The following MARK3 variants were observed in gnomAD, a reference collection of about 807,000 sequenced individuals.
The protein encoded by MARK3 is microtubule affinity regulating kinase 3.
A neutral mutation model predicts 90.1 loss-of-function variants in MARK3; 46 were observed. The observed-to-expected ratio is 0.51, with a 90% CI of 0.40 to 0.65. The LOEUF is 0.65. MARK3 is among the 30% of genes least tolerant of loss of function. The pLI is 0.00. For synonymous variants in MARK3, 321 were observed against 332.6 expected, an observed-to-expected ratio of 0.97 and a Z score of 0.38; for missense variants, 818 against 947.2, an observed-to-expected ratio of 0.86 and a Z score of 1.79.
Position 103,475,034 on chromosome 14 carries a change from A to G in MARK3, c.1306A>G (p.Ser436Gly). 6.2e-7 allele frequency: 1 copy of G among 1,614,188 alleles called. No homozygotes were observed. The highest frequency in any genetic ancestry group is 8.5e-7 in the Non-Finnish European group (1 of 1,180,018). Residue 436 changes from serine to glycine, a missense_variant, in exon 13 of 18, where the codon AGT becomes GGT. This residue lies in a region of MARK3 where 560 missense variants were observed against 613.5 expected (regional missense o/e 0.91). Coordinates refer to ENST00000429436, the MANE Select transcript of MARK3 (RefSeq NM_001128918.3). The stretch of plus-strand genomic sequence containing the variant: ...TTCTGTTGTGGCGTATCCGAAAAGG[A>G]GTCAGACCAGCACTGCAGATAGTGA... ...IPSVVAYPKR[S>G]QTSTADSDLK...
rs565722479 is a variant in MARK3 at position 103,428,481 on chromosome 14, C to T, written c.297+41C>T. 76 of 1,167,968 alleles carry T rather than the reference C, an allele frequency of 6.5e-5. 1 individual carries two copies. In the East Asian group the frequency reaches 1.1e-3, roughly 17 times the overall value. The allele number at this position is 1,167,968 out of a possible 1,614,324, so 72.4% of individuals were successfully genotyped here. ...TGTCTAGTACTTTTTAAAAAATTAT[C>T]GGTGCTAATTGCCATCTAATTTGTC... On this transcript the variant is annotated intron_variant, in intron 3 of 17. Transcript: ENST00000429436.
In MARK3 at chr14:103,411,213, G is replaced by A. The variant is rs1595529794; in HGVS notation, c.243+5946G>A. 3.9e-5 allele frequency among the ~76,000 whole-genome samples: 6 copies of A among 152,324 alleles called. 2 individuals are homozygous for A. In the South Asian group the frequency reaches 1.2e-3, roughly 32 times the overall value. On this transcript the variant is annotated intron_variant, in intron 2 of 17. Coordinates refer to ENST00000429436, the MANE Select transcript of MARK3 (RefSeq NM_001128918.3). ...GGCATGAACCCGGGAGACGGAGCTTGCAGTGAGCTGAGACTGCATCACTGC... is the reference window on the plus strand; with the variant it reads ...GGCATGAACCCGGGAGACGGAGCTTACAGTGAGCTGAGACTGCATCACTGC...
At chr14:103,475,624 G>A (rs2093700893) in intron 13 of MARK3, among the ~76,000 whole-genome samples, 2 of 152,126 alleles carry the variant, frequency 1.3e-5, no homozygotes, top group Admixed American at 1.3e-4. Flanking sequence ...GACAGAAGGG[G>A]TGAACTCACC....
intron 4 of MARK3, among the ~76,000 whole-genome samples, chr14:103,450,322 C>G (rs542595499): frequency 1.3e-5 from 2 of 152,200 alleles, no homozygotes; most frequent in Admixed American, 1.3e-4. Context: ...ATTTCAAATT[C>G]CAACTTTTCA....
intron 14 of MARK3, among the ~76,000 whole-genome samples, chr14:103,488,114 C>T (rs1236004663): frequency 6.6e-6 from 1 of 151,956 alleles, no homozygotes; most frequent in Admixed American, 6.6e-5. Flanking sequence ...GTACAAGAAA[C>T]AACCGAGCAT....
Position 103,404,224 on chromosome 14 carries a change from C to T in MARK3, c.52-852C>T, listed in dbSNP as rs533238914. On this transcript the variant is annotated intron_variant, in intron 1 of 17. Transcript: ENST00000429436. ...TGATTTATAGGTATATAGAGAAAGA[C>T]AGGACATTTTCCTGGACAGAAAGTT... Among the ~76,000 whole-genome samples, 5 of 152,222 alleles carry T rather than the reference C, an allele frequency of 3.3e-5. No individual in the cohort carries two copies. The South Asian group carries it at 1.0e-3, about 32-fold the overall frequency.
At chr14:103,455,783 CCATT>C (rs1204694151) in intron 5 of MARK3, among the ~76,000 whole-genome samples, 2 of 151,168 alleles carry the variant, frequency 1.3e-5, no homozygotes, top group East Asian at 1.9e-4. Flanking sequence ...ATATTTGTGC[CCATT>C]CATTATGTAA....
rs763985436 is a variant in MARK3 at position 103,386,002 on chromosome 14, G to T, written c.-28G>T. 2.3e-5 allele frequency: 36 copies of T among 1,599,454 alleles called. No individual in the cohort carries two copies. In the East Asian group the frequency reaches 5.6e-4, roughly 25 times the overall value. On this transcript the variant is annotated 5_prime_UTR_variant, in exon 1 of 18. Coordinates refer to ENST00000429436, the MANE Select transcript of MARK3 (RefSeq NM_001128918.3). ...GCTGTGCTGTTTTGTTTTGACCCTC[G>T]CATTGTGCAGAATTAAAGTGCAGTA...
intron 7 of MARK3, 54 bp downstream of exon 7, chr14:103,462,515 C>CT: frequency 7.4e-7 from 1 of 1,358,770 alleles, no homozygotes; most frequent in Non-Finnish European, 1.0e-6. Context: ...GTGCAGTTCT[C>CT]TCAGTGGTCA....
intron 1 of MARK3, among the ~76,000 whole-genome samples, chr14:103,397,385 G>A (rs2090648241): frequency 6.7e-6 from 1 of 148,444 alleles, no homozygotes. Context: ...GGAGTGCAGT[G>A]GTGCGATCTC....
chr14:103,410,175 A>AT (rs1213492848), intron 2 of MARK3, among the ~76,000 whole-genome samples: 2 of 152,172 alleles, frequency 1.3e-5, no homozygotes, highest in African/African-American at 4.8e-5. Flanking sequence ...AAGATAAGAA[A>AT]TTTATTTCTT....
At position 103,503,401 on chromosome 14, in the gene MARK3, C is replaced by G; in HGVS notation, c.*174C>G. ...AGCTGGCCTTTTTTCTACGAATGCA[C>G]TACATTAAAGATGTGCAACCTATGC... On this transcript the variant is annotated 3_prime_UTR_variant, in exon 18 of 18. Transcript: ENST00000429436. 1 of 640,230 alleles carries G rather than the reference C, an allele frequency of 1.6e-6. No homozygotes were observed. Among genetic ancestry groups the G allele is most frequent in the Non-Finnish European group, 2.7e-6 (1 of 376,694 alleles). 39.7% of individuals were successfully genotyped at this position (640,230 alleles called of 1,614,324 possible).
chr14:103,498,486 A>G lies in MARK3; in HGVS notation c.1845-16A>G. ...TTTTTGTTAATTTTTTTTTTTTTTTACTTAATTTCTTTTAGAAACATGTCA... is the reference window on the plus strand; with the variant it reads ...TTTTTGTTAATTTTTTTTTTTTTTTGCTTAATTTCTTTTAGAAACATGTCA... On this transcript the variant is annotated splice_polypyrimidine_tract_variant and intron_variant, in intron 15 of 17. Coordinates refer to ENST00000429436, the MANE Select transcript of MARK3 (RefSeq NM_001128918.3). 8.9e-7 allele frequency: 1 copy of G among 1,121,284 alleles called. No homozygotes were observed. The highest frequency in any genetic ancestry group is 1.1e-6 in the Non-Finnish European group (1 of 875,848). The allele number at this position is 1,121,284 out of a possible 1,614,324, so 69.5% of individuals were successfully genotyped here.
At position 103,491,048 on chromosome 14, in the gene MARK3, T is replaced by C. The variant is rs2094007310; in HGVS notation, c.1587-729T>C. On this transcript the variant is annotated intron_variant, in intron 14 of 17. Transcript: ENST00000429436. ...AGAAGTCGATGTCCATGTCAGCCTC[T>C]GGGCACCCCAAGATGATGTTACCTC... The C allele has an allele frequency of 2.3e-6, 3 of 1,288,504 alleles. No homozygotes were observed. The South Asian group carries it at 3.7e-5, about 16-fold the overall frequency. 79.8% of individuals were successfully genotyped at this position (1,288,504 alleles called of 1,614,324 possible).
chr14:103,409,226 C>T (rs1026247181), intron 2 of MARK3, among the ~76,000 whole-genome samples: 11 of 87,446 alleles, frequency 1.3e-4, no homozygotes, highest in Middle Eastern at 9.6e-3. Flanking sequence ...CAAGTTCTCA[C>T]TCGTAAGTGG....
At chr14:103,498,451 G>A in intron 15 of MARK3, 51 bp from the exon 16 acceptor site, 1 of 1,171,012 alleles carries the variant, frequency 8.5e-7, no homozygotes. Flanking sequence ...TGTTTAATTT[G>A]TGCGAGTTAT....
chr14:103,462,520 TG>T, intron 7 of MARK3, 59 bp downstream of exon 7: 1 of 1,298,538 alleles, frequency 7.7e-7, no homozygotes, highest in South Asian at 1.3e-5. Flanking sequence ...GTTCTCTCAG[TG>T]GTCATTACAC....
chr14:103,471,212 C>T (rs1050452253), intron 12 of MARK3, among the ~76,000 whole-genome samples: 4 of 152,166 alleles, frequency 2.6e-5, no homozygotes, highest in Admixed American at 2.0e-4. Flanking sequence ...AGAAACCTGA[C>T]AATGGGATTT....
chr14:103,452,243 G>C (rs554703859), intron 5 of MARK3, among the ~76,000 whole-genome samples: 1 of 152,046 alleles, frequency 6.6e-6, no homozygotes, highest in Non-Finnish European at 1.5e-5. Flanking sequence ...GAAAATTATC[G>C]TTAAAATCAT....
Sources: allele counts gnomAD v4.1 joint callset (sites outside exome capture counted in the v4.1 genomes callset), GRCh38; gene constraint gnomAD v4.1.1; regional missense constraint gnomAD v4.1.1; transcripts MANE v1.5; gene names NCBI Gene and HGNC (gene_info 2026-07-23, HGNC 2026-07-21).